The following KLF17 variants were observed in gnomAD, a reference collection of about 807,000 sequenced individuals.
KLF17 encodes KLF transcription factor 17, also known as Krueppel-like factor 17.
Under a neutral mutation model 34.2 loss-of-function variants are expected in KLF17, and 31 were observed. That is an observed-to-expected ratio of 0.91 (90% CI 0.68 to 1.22). The LOEUF (loss-of-function observed/expected upper bound fraction) is 1.22, where lower values mean the gene tolerates loss of function less well. Ranked by LOEUF, KLF17 falls within the 50% of genes most tolerant of loss-of-function variation. The pLI, the probability that KLF17 is intolerant of heterozygous loss-of-function variation, is 0.00. For missense variants in KLF17, 478 were observed against 505.2 expected (o/e 0.95, Z 0.52); for synonymous variants, 179 against 186.7 (o/e 0.96, Z 0.34).
chr1:44,047,959 A>G, the KLF17 span: 2 of 152,030 alleles, frequency 1.3e-5, no homozygotes, highest in Non-Finnish European at 2.9e-5. Flanking sequence ...ATTGGCATCC[A>G]GAGTGTTTGG....
chr1:44,104,018 G>C, the KLF17 span: 3 of 861,388 alleles, frequency 3.5e-6, no homozygotes, highest in Non-Finnish European at 6.1e-6. Context: ...TGTCCATGGA[G>C]CGGCTGTTGT....
the KLF17 span, chr1:44,103,735 C>A: frequency 6.6e-6 from 9 of 1,354,594 alleles, no homozygotes; most frequent in African/African-American, 1.2e-4. Context: ...GCGTTGGCAC[C>A]CTTAACTGCC....
the KLF17 span, among the ~76,000 whole-genome samples, chr1:44,070,532 T>A: frequency 2.0e-4 from 31 of 152,068 alleles, no homozygotes; most frequent in Middle Eastern, 3.2e-3. Context: ...GATTTCGTTA[T>A]TTTTTATGGC....
At position 44,127,692 on chromosome 1, in the gene KLF17, T is replaced by TTCTTTCTTTC. The variant is rs753421834; in HGVS notation, c.82-1660_82-1659insCTTTCTTTCT. Among the ~76,000 whole-genome samples, 430 of 90,050 alleles carry TTCTTTCTTTC rather than the reference T, an allele frequency of 4.8e-3. 1 individual carries two copies. Among genetic ancestry groups the TTCTTTCTTTC allele is most frequent in the East Asian group, 9.8e-3 (34 of 3,452 alleles). The allele number at this position is 90,050 out of a possible 152,430, so 59.1% of individuals were successfully genotyped here. The stretch of plus-strand genomic sequence containing the variant: ...TTTCTTTCTTTCTTTCTTTCTTTCT[T>TTCTTTCTTTC]TTTCTTTCTTTCTTTCTTTCTTCTC... On this transcript the variant is annotated intron_variant, in intron 1 of 3. Coordinates refer to ENST00000372299, the MANE Select transcript of KLF17 (RefSeq NM_173484.4).
the KLF17 span, among the ~76,000 whole-genome samples, chr1:44,087,724 TTATATATATATATATATATATATATATA>T: frequency 5.3e-5 from 4 of 75,648 alleles, no homozygotes; most frequent in African/African-American, 9.3e-5. Flanking sequence ...CCTATATATT[TTATATATATATATATATATATATATATA>T]TATATATATA....
chr1:44,048,216 G>C, the KLF17 span: 2 of 152,194 alleles, frequency 1.3e-5, no homozygotes, highest in Non-Finnish European at 2.9e-5. Context: ...GATTCTTTTG[G>C]AGTAGACTAA....
the KLF17 span, among the ~76,000 whole-genome samples, chr1:44,074,222 C>T: frequency 6.6e-6 from 1 of 152,176 alleles, no homozygotes; most frequent in East Asian, 1.9e-4. Context: ...CCCGTACCAT[C>T]CTCACCCCAT....
the KLF17 span, among the ~76,000 whole-genome samples, chr1:44,079,991 T>C: frequency 4.6e-5 from 7 of 150,754 alleles, no homozygotes; most frequent in Non-Finnish European, 8.9e-5. Flanking sequence ...TGCAGTGGCG[T>C]GATCTCGGCT....
intron 1 of KLF17, among the ~76,000 whole-genome samples, chr1:44,126,320 C>T (rs1048872538): frequency 9.2e-5 from 14 of 152,102 alleles, no homozygotes; most frequent in Admixed American, 6.5e-5. Flanking sequence ...CCACCGCACC[C>T]GGCCAAGGAC....
the KLF17 span, among the ~76,000 whole-genome samples, chr1:44,077,331 C>A: frequency 6.6e-6 from 1 of 151,448 alleles, no homozygotes; most frequent in Non-Finnish European, 1.5e-5. Flanking sequence ...GGTGACAGAG[C>A]AAGACTCTGT....
chr1:44,103,326 A>AGGACTCGGACACC, the KLF17 span: 14 of 729,986 alleles, frequency 1.9e-5, no homozygotes, highest in Middle Eastern at 3.7e-4. Context: ...AGGACGTCAA[A>AGGACTCGGACACC]GGACTCGGAC....
chr1:44,115,971 A>G (rs1426164037), upstream of KLF17: 1 of 152,062 alleles, frequency 6.6e-6, no homozygotes, highest in Non-Finnish European at 1.5e-5. Context: ...CATTATTATG[A>G]TTTGTTTCAT....
At chr1:44,084,521 A>G in the KLF17 span, among the ~76,000 whole-genome samples, 1 of 151,748 alleles carries the variant, frequency 6.6e-6, no homozygotes, top group African/African-American at 2.4e-5. Context: ...AATTCAAAAA[A>G]TTTTGAAAGT....
chr1:44,118,922 G>T lies in KLF17; in HGVS notation c.15G>T (p.Pro5=), dbSNP rs755137485. MYGR[P]QAEMEQEAGE... ...ACCCAGTCTTCATGTACGGCCGACC[G>T]CAGGCTGAGATGGAACAGGAGGCTG... Residue 5 remains proline (P), a synonymous_variant, in exon 1 of 4, where the codon CCG becomes CCT. Coordinates refer to ENST00000372299, the MANE Select transcript of KLF17 (RefSeq NM_173484.4). The T allele has an allele frequency of 2.5e-6, 4 of 1,611,884 alleles. No individual in the cohort carries two copies. The highest frequency in any genetic ancestry group is 3.3e-5 in the Admixed American group (2 of 59,868).
At chr1:44,128,903 T>G (rs911409017) in intron 1 of KLF17, among the ~76,000 whole-genome samples, 1 of 151,846 alleles carries the variant, frequency 6.6e-6, no homozygotes, top group Non-Finnish European at 1.5e-5. Context: ...TCCCAGCTAC[T>G]CAGGAGGCTG....
At chr1:44,072,883 G>C in the KLF17 span, among the ~76,000 whole-genome samples, 2 of 152,072 alleles carry the variant, frequency 1.3e-5, no homozygotes, top group South Asian at 4.1e-4. Context: ...ATCGGAAAAC[G>C]TAGCATCCCA....
At chr1:44,070,247 A>G in the KLF17 span, among the ~76,000 whole-genome samples, 73 of 152,036 alleles carry the variant, frequency 4.8e-4, no homozygotes, top group African/African-American at 1.8e-3. Flanking sequence ...TGTTACATTG[A>G]TATTTTGTAT....
chr1:44,134,327 T>G lies in KLF17; in HGVS notation c.*1090T>G. On this transcript the variant is annotated 3_prime_UTR_variant, in exon 4 of 4. Transcript: ENST00000372299. Reference sequence around the variant, plus strand: ...AGGCGGATCATTTGAGGTTAGAGATTCGAGACCAGCCGGGCCAACATGGTG... The same window carrying G: ...AGGCGGATCATTTGAGGTTAGAGATGCGAGACCAGCCGGGCCAACATGGTG... 1 of 152,088 alleles carries G rather than the reference T, an allele frequency of 6.6e-6. No individual in the cohort carries two copies. The highest frequency in any genetic ancestry group is 1.5e-5 in the Non-Finnish European group (1 of 68,040). 9.4% of individuals were successfully genotyped at this position (152,088 alleles called of 1,614,324 possible). A position where few individuals can be genotyped will look rare whatever the true frequency, so the allele number is the denominator to read the frequency against.
the KLF17 span, among the ~76,000 whole-genome samples, chr1:44,055,356 C>T: frequency 6.6e-6 from 1 of 152,192 alleles, no homozygotes; most frequent in African/African-American, 2.4e-5. Context: ...TGCTCTTGTA[C>T]AGTAACAGGG....
Sources: gnomAD v4.1 joint callset for allele counts (sites outside exome capture counted in the v4.1 genomes callset) on GRCh38, gnomAD v4.1.1 for gene constraint, MANE v1.5 for transcripts, NCBI Gene and HGNC (gene_info 2026-07-23, HGNC 2026-07-21) for gene names.